The following PAK5 variants were observed in gnomAD, a reference collection of about 807,000 sequenced individuals.
PAK5 encodes the protein serine/threonine-protein kinase PAK 5.
Under a neutral mutation model 65.9 loss-of-function variants are expected in PAK5, and 16 were observed. That is an observed-to-expected ratio of 0.24 (90% CI 0.16 to 0.37). PAK5 has a LOEUF of 0.37. PAK5 is among the 10% of genes least tolerant of loss of function. The probability of loss-of-function intolerance (pLI) is 1.00; values close to 1 mark genes in which losing one functional copy is unlikely to be tolerated. For synonymous variants in PAK5, 371 were observed against 354.9 expected (o/e 1.05, Z -0.51); for missense variants, 785 against 903.9 (o/e 0.87, Z 1.69).
intron 2 of PAK5, among the ~76,000 whole-genome samples, chr20:9,693,040 C>T (rs986623312): frequency 1.3e-5 from 2 of 152,072 alleles, no homozygotes; most frequent in African/African-American, 4.8e-5. Context: ...AATCATGGGT[C>T]AATATTATAA....
intron 1 of PAK5, among the ~76,000 whole-genome samples, chr20:9,807,879 C>A (rs775621036): frequency 1.3e-5 from 2 of 151,952 alleles, no homozygotes; most frequent in Non-Finnish European, 2.9e-5. Flanking sequence ...GACAATCATG[C>A]AAGATGGAGA....
chr20:9,609,379 T>C (rs1225159022), intron 3 of PAK5, among the ~76,000 whole-genome samples: 1 of 152,172 alleles, frequency 6.6e-6, no homozygotes, highest in African/African-American at 2.4e-5. Context: ...AAAATCAAAG[T>C]ATCACAGTTT....
intron 2 of PAK5, among the ~76,000 whole-genome samples, chr20:9,687,106 A>C (rs1290539460): frequency 1.3e-5 from 2 of 152,158 alleles, no homozygotes; most frequent in African/African-American, 4.8e-5. Context: ...AGTTCACTGA[A>C]ACCTCCAGCC....
At chr20:9,554,209 TGAG>T (rs2045473212) in intron 7 of PAK5, among the ~76,000 whole-genome samples, 1 of 152,234 alleles carries the variant, frequency 6.6e-6, no homozygotes, top group African/African-American at 2.4e-5. Flanking sequence ...TTTCTCACAC[TGAG>T]GAGGACTCTA....
At chr20:9,556,710 C>G (rs2045513394) in intron 7 of PAK5, among the ~76,000 whole-genome samples, 1 of 152,192 alleles carries the variant, frequency 6.6e-6, no homozygotes, top group Non-Finnish European at 1.5e-5. Context: ...TGAGTTTCAG[C>G]AGAATCCCTT....
chr20:9,718,961 G>A (rs960479110), intron 1 of PAK5, among the ~76,000 whole-genome samples: 1 of 152,104 alleles, frequency 6.6e-6, no homozygotes, highest in African/African-American at 2.4e-5. Context: ...AACCTCCTCT[G>A]AGGATTTGAA....
At chr20:9,660,795 C>G (rs555405086) in intron 2 of PAK5, among the ~76,000 whole-genome samples, 1 of 151,938 alleles carries the variant, frequency 6.6e-6, no homozygotes, top group Non-Finnish European at 1.5e-5. Flanking sequence ...CAAGGAAAAG[C>G]AAGGAGGCTT....
At chr20:9,771,804 C>T (rs371848521) in intron 1 of PAK5, among the ~76,000 whole-genome samples, 27 of 151,992 alleles carry the variant, frequency 1.8e-4, no homozygotes, top group Admixed American at 9.2e-4. Context: ...TTTGGGAGTC[C>T]GGGGGAGGGC....
At chr20:9,604,457 G>A (rs2046415594) in intron 3 of PAK5, among the ~76,000 whole-genome samples, 1 of 152,156 alleles carries the variant, frequency 6.6e-6, no homozygotes, top group Admixed American at 6.5e-5. Context: ...TTGCTATTGA[G>A]GTTAACAGGA....
intron 2 of PAK5, among the ~76,000 whole-genome samples, chr20:9,706,027 G>A (rs887152956): frequency 6.6e-6 from 1 of 152,114 alleles, no homozygotes; most frequent in African/African-American, 2.4e-5. Flanking sequence ...GAATAGAGCT[G>A]CTATTCAATT....
At chr20:9,626,840 C>A (rs947112379) in intron 3 of PAK5, among the ~76,000 whole-genome samples, 9 of 151,684 alleles carry the variant, frequency 5.9e-5, no homozygotes, top group Non-Finnish European at 1.2e-4. Context: ...ACTTTGGTAA[C>A]CCCTGAAATT....
intron 3 of PAK5, among the ~76,000 whole-genome samples, chr20:9,618,115 G>A (rs1275307042): frequency 6.6e-6 from 1 of 152,116 alleles, no homozygotes; most frequent in Non-Finnish European, 1.5e-5. Flanking sequence ...GGCTTGTAAT[G>A]TGGCTCTCAC....
chr20:9,735,566 G>A (rs1343886932), intron 1 of PAK5, among the ~76,000 whole-genome samples: 5 of 152,008 alleles, frequency 3.3e-5, no homozygotes, highest in Admixed American at 2.0e-4. Context: ...CAAAATAGAT[G>A]GGAATAATTA....
Position 9,789,940 on chromosome 20 carries a change from G to A in PAK5, c.-162+48822C>T, listed in dbSNP as rs187123917. On this transcript the variant is annotated intron_variant, in intron 1 of 9. Transcript: ENST00000353224. ...GGATTGCAAAAAGATGCTGATGCAG[G>A]TCAGGAAAGGAGGGGCCTTTTTACG... 2.0e-5 allele frequency among the ~76,000 whole-genome samples: 3 copies of A among 152,214 alleles called. No individual in the cohort carries two copies. The East Asian group carries it at 5.8e-4, about 29-fold the overall frequency.
chr20:9,649,340 A>C (rs937346476), intron 2 of PAK5, among the ~76,000 whole-genome samples: 7 of 152,206 alleles, frequency 4.6e-5, no homozygotes, highest in African/African-American at 1.7e-4. Context: ...CAGATCCCAG[A>C]ATCCTTGTTT....
At chr20:9,588,305 C>A (rs1329939176) in intron 3 of PAK5, among the ~76,000 whole-genome samples, 1 of 152,180 alleles carries the variant, frequency 6.6e-6, no homozygotes, top group Non-Finnish European at 1.5e-5. Context: ...TAAGGCATGT[C>A]CTAAGACAGT....
intron 3 of PAK5, among the ~76,000 whole-genome samples, chr20:9,593,989 T>C (rs1261229276): frequency 6.6e-6 from 1 of 152,206 alleles, no homozygotes; most frequent in African/African-American, 2.4e-5. Context: ...TTCCGCTTCA[T>C]CTGGCAGCTT....
chr20:9,641,161 C>A (rs1364568880), intron 3 of PAK5, among the ~76,000 whole-genome samples: 2 of 152,130 alleles, frequency 1.3e-5, no homozygotes, highest in Admixed American at 6.5e-5. Flanking sequence ...TTTCGACACA[C>A]AGGTTCTCCA....
At chr20:9,757,936 GAAC>G (rs1294388294) in intron 1 of PAK5, among the ~76,000 whole-genome samples, 1 of 152,144 alleles carries the variant, frequency 6.6e-6, no homozygotes, top group Non-Finnish European at 1.5e-5. Flanking sequence ...ACAGTGACAA[GAAC>G]AATCAAATGT....
Sources: allele counts gnomAD v4.1 joint callset (sites outside exome capture counted in the v4.1 genomes callset), GRCh38; gene constraint gnomAD v4.1.1; transcripts MANE v1.5; gene names NCBI Gene and HGNC (gene_info 2026-07-23, HGNC 2026-07-21).